The following KCNH7 variants were observed in gnomAD, a reference collection of about 807,000 sequenced individuals.
KCNH7 encodes potassium voltage-gated channel subfamily H member 7, also known as voltage-gated inwardly rectifying potassium channel KCNH7.
KCNH7 carries 49 observed loss-of-function variants against 120.8 expected under a neutral mutation model. The observed-to-expected ratio is 0.41, with a 90% confidence interval of 0.32 to 0.51. KCNH7 has a LOEUF of 0.51. KCNH7 is among the 20% of genes least tolerant of loss of function. KCNH7 has a pLI of 0.38. For synonymous variants in KCNH7, 547 were observed against 516.1 expected, an observed-to-expected ratio of 1.06 and a Z score of -0.81; for missense variants, 1,097 against 1,446.6, an observed-to-expected ratio of 0.76 and a Z score of 3.92.
intron 2 of KCNH7, among the ~76,000 whole-genome samples, chr2:162,802,295 T>C (rs543340967): frequency 6.6e-6 from 1 of 151,948 alleles, no homozygotes; most frequent in Admixed American, 6.6e-5. Flanking sequence ...ACCTAAGCTA[T>C]TAATCAAAGT....
Position 162,372,487 on chromosome 2 carries a change from G to A in KCNH7, c.3325-392C>T, listed in dbSNP as rs77814189. On this transcript the variant is annotated intron_variant, in intron 15 of 15. Transcript: ENST00000332142. The stretch of plus-strand genomic sequence containing the variant: ...GATGGGAAGATGGGAAGTAAAATCC[G>A]TCATCCCTAGTCAGATAATATTACC... Among the ~76,000 whole-genome samples, 585 of 152,160 alleles carry A rather than the reference G, an allele frequency of 3.8e-3. 4 individuals carry two copies. Among genetic ancestry groups the A allele is most frequent in the African/African-American group, 0.013 (557 of 41,542 alleles).
intron 2 of KCNH7, among the ~76,000 whole-genome samples, chr2:162,792,947 T>C (rs1559136816): frequency 2.6e-5 from 4 of 152,096 alleles, no homozygotes; most frequent in Non-Finnish European, 5.9e-5. Context: ...CTTTTTGATA[T>C]GGGAATTTAA....
chr2:162,376,644 G>T (rs777831244), intron 14 of KCNH7, among the ~76,000 whole-genome samples: 6 of 152,074 alleles, frequency 3.9e-5, no homozygotes, highest in African/African-American at 7.2e-5. Context: ...TTACAGGTGT[G>T]AGCCACCGCG....
chr2:162,690,393 A>AT (rs1321348151), intron 2 of KCNH7, among the ~76,000 whole-genome samples: 5 of 152,050 alleles, frequency 3.3e-5, no homozygotes, highest in African/African-American at 9.7e-5. Flanking sequence ...AAGTTAAAAA[A>AT]AAGTTTTTAG....
intron 3 of KCNH7, among the ~76,000 whole-genome samples, chr2:162,527,559 T>C (rs1223642262): frequency 6.6e-6 from 1 of 152,004 alleles, no homozygotes; most frequent in Non-Finnish European, 1.5e-5. Flanking sequence ...GTCAATTATC[T>C]AGAGTATTGA....
At chr2:162,729,095 A>G (rs1169011845) in intron 2 of KCNH7, among the ~76,000 whole-genome samples, 1 of 151,846 alleles carries the variant, frequency 6.6e-6, no homozygotes, top group East Asian at 1.9e-4. Flanking sequence ...ATATATATGT[A>G]CATCTGTCTC....
intron 6 of KCNH7, among the ~76,000 whole-genome samples, chr2:162,473,020 A>G (rs986506094): frequency 5.3e-5 from 8 of 152,058 alleles, no homozygotes; most frequent in Non-Finnish European, 1.2e-4. Context: ...GAATTGAACA[A>G]TGAGAACACT....
chr2:162,500,000 T>C (rs1690621865), intron 6 of KCNH7, among the ~76,000 whole-genome samples: 1 of 151,932 alleles, frequency 6.6e-6, no homozygotes, highest in African/African-American at 2.4e-5. Flanking sequence ...TACTTTACAT[T>C]GCACTGTAAA....
At chr2:162,624,964 C>T in intron 2 of KCNH7, among the ~76,000 whole-genome samples, 1 of 122,148 alleles carries the variant, frequency 8.2e-6, no homozygotes, top group African/African-American at 3.2e-5. Context: ...ATGCTATGAT[C>T]TAGGCTCACC....
chr2:162,766,698 G>GCA (rs1682822852), intron 2 of KCNH7, among the ~76,000 whole-genome samples: 1 of 152,052 alleles, frequency 6.6e-6, no homozygotes, highest in Non-Finnish European at 1.5e-5. Flanking sequence ...TACGTCCAGG[G>GCA]ATTTTCATAT....
rs1391456335 is a variant in KCNH7, at chr2:162,379,981, A to G, written c.3003T>C (p.His1001=). The change falls in exon 14 of 16, where the codon CAT becomes CAC. Residue 1001 remains histidine (H), a synonymous_variant. Coordinates refer to ENST00000332142, the MANE Select transcript of KCNH7 (RefSeq NM_033272.4). ...DMRSWERENA[H]PQPEDSSPSA... is the part of the protein sequence containing the mutation. ...ATGGACTGGAGTCTTCAGGCTGGGG[A>G]TGTGCATTTTCTCGTTCCCAGCTTC... 7 of 1,613,996 alleles carry G rather than the reference A, an allele frequency of 4.3e-6. No homozygotes were observed. The highest frequency in any genetic ancestry group is 5.9e-6 in the Non-Finnish European group (7 of 1,179,936).
At chr2:162,429,961 T>C (rs1182179963) in intron 8 of KCNH7, among the ~76,000 whole-genome samples, 1 of 151,068 alleles carries the variant, frequency 6.6e-6, no homozygotes, top group Non-Finnish European at 1.5e-5. Context: ...GAATCACATT[T>C]TTCTGTTTCT....
intron 2 of KCNH7, among the ~76,000 whole-genome samples, chr2:162,543,178 C>A (rs970481944): frequency 2.1e-4 from 32 of 151,924 alleles, no homozygotes; most frequent in African/African-American, 7.2e-4. Context: ...TATATAGAAG[C>A]ATTATAAACA....
At chr2:162,720,059 A>T (rs1227939489) in intron 2 of KCNH7, among the ~76,000 whole-genome samples, 1 of 152,038 alleles carries the variant, frequency 6.6e-6, no homozygotes, top group African/African-American at 2.4e-5. Flanking sequence ...GATAGGTCTT[A>T]TCAGGAAGTC....
chr2:162,527,025 G>T (rs1019486644), intron 3 of KCNH7, among the ~76,000 whole-genome samples: 1 of 151,938 alleles, frequency 6.6e-6, no homozygotes, highest in Non-Finnish European at 1.5e-5. Flanking sequence ...GGCTTCAGCC[G>T]GTCCCTCCGT....
chr2:162,816,036 A>T (rs1171722547), intron 2 of KCNH7, among the ~76,000 whole-genome samples: 1 of 152,136 alleles, frequency 6.6e-6, no homozygotes, highest in East Asian at 1.9e-4. Flanking sequence ...AGGCGGGCAG[A>T]TCACCTGAGG....
chr2:162,729,227 G>C (rs980660864), intron 2 of KCNH7, among the ~76,000 whole-genome samples: 1 of 146,606 alleles, frequency 6.8e-6, no homozygotes, highest in Non-Finnish European at 1.5e-5. Flanking sequence ...GTGCAGTGGC[G>C]CGATCTCAGC....
chr2:162,570,449 A>G (rs1376572154), intron 2 of KCNH7, among the ~76,000 whole-genome samples: 10 of 151,910 alleles, frequency 6.6e-5, no homozygotes, highest in Admixed American at 1.3e-4. Flanking sequence ...GGGTTTCCTG[A>G]ATACAGCACA....
chr2:162,482,232 A>G (rs1689953498), intron 6 of KCNH7, among the ~76,000 whole-genome samples: 1 of 152,228 alleles, frequency 6.6e-6, no homozygotes, highest in African/African-American at 2.4e-5. Context: ...TATAGAGAAG[A>G]GGATGGCAAT....
Sources: allele counts gnomAD v4.1 joint callset (sites outside exome capture counted in the v4.1 genomes callset), GRCh38; gene constraint gnomAD v4.1.1; transcripts MANE v1.5; gene names NCBI Gene and HGNC (gene_info 2026-07-23, HGNC 2026-07-21).